The following NRG3 variants were observed in gnomAD, a reference collection of about 807,000 sequenced individuals.
NRG3 encodes the protein pro-neuregulin-3, membrane-bound isoform.
A neutral mutation model predicts 66.9 loss-of-function variants in NRG3; 31 were observed. The observed-to-expected ratio is 0.46, with a 90% CI of 0.35 to 0.63. NRG3 has a LOEUF of 0.63. Among genes scored for constraint, NRG3 ranks in the 20% least tolerant of loss-of-function variants. The pLI is 0.00. For synonymous variants in NRG3, 393 were observed against 359.4 expected, an observed-to-expected ratio of 1.09 and a Z score of -1.06; for missense variants, 910 against 878.9, an observed-to-expected ratio of 1.04 and a Z score of -0.45.
chr10:82,620,648 G>A (rs1048034391), intron 2 of NRG3, among the ~76,000 whole-genome samples: 1 of 152,050 alleles, frequency 6.6e-6, no homozygotes, highest in African/African-American at 2.4e-5. Flanking sequence ...ACATTCTATT[G>A]GTAAAAAGAC....
intron 3 of NRG3, among the ~76,000 whole-genome samples, chr10:82,855,746 TA>T (rs113256238): frequency 1.3e-4 from 19 of 146,858 alleles, no homozygotes; most frequent in African/African-American, 2.7e-4. Flanking sequence ...AAGATAGGAA[TA>T]AAAAAAAAAC....
At chr10:82,809,520 A>C (rs2061412982) in intron 3 of NRG3, among the ~76,000 whole-genome samples, 1 of 152,098 alleles carries the variant, frequency 6.6e-6, no homozygotes, top group Non-Finnish European at 1.5e-5. Context: ...CTAAGTTTGT[A>C]ACTATGTCCC....
intron 3 of NRG3, among the ~76,000 whole-genome samples, chr10:82,823,788 G>A (rs1417227988): frequency 6.6e-6 from 1 of 152,124 alleles, no homozygotes; most frequent in Non-Finnish European, 1.5e-5. Flanking sequence ...CTCCGTTGCA[G>A]CTGCATTACA....
intron 4 of NRG3, among the ~76,000 whole-genome samples, chr10:82,908,486 AAACCAAGCAACTGG>A (rs1443348100): frequency 1.4e-4 from 21 of 152,322 alleles, no homozygotes; most frequent in African/African-American, 4.8e-4. Flanking sequence ...TTAAATGGCA[AAACCAAGCAACTGG>A]TGATTTATGG....
intron 1 of NRG3, chr10:82,166,810 G>A (rs1041041524): frequency 1.6e-5 from 11 of 673,736 alleles, no homozygotes; most frequent in Non-Finnish European, 2.7e-5. Flanking sequence ...TGCTGCTGAC[G>A]AATTCATACA....
intron 2 of NRG3, among the ~76,000 whole-genome samples, chr10:82,499,098 C>T (rs1843899760): frequency 6.6e-6 from 1 of 152,094 alleles, no homozygotes; most frequent in South Asian, 2.1e-4. Flanking sequence ...ACAAAGATGC[C>T]TTGAGAAGAA....
intron 1 of NRG3, among the ~76,000 whole-genome samples, chr10:82,270,131 T>C (rs2134301570): frequency 6.6e-6 from 1 of 152,298 alleles, no homozygotes; most frequent in South Asian, 2.1e-4. Context: ...GCTTTCCTTG[T>C]CCTCACTCCC....
At chr10:82,560,661 C>G (rs1466642219) in intron 2 of NRG3, among the ~76,000 whole-genome samples, 2 of 150,880 alleles carry the variant, frequency 1.3e-5, no homozygotes, top group African/African-American at 4.8e-5. Context: ...TTTTATGTAA[C>G]TATAGTATTA....
At chr10:82,922,101 C>T (rs776763550) in intron 4 of NRG3, among the ~76,000 whole-genome samples, 21 of 151,900 alleles carry the variant, frequency 1.4e-4, no homozygotes, top group Admixed American at 2.6e-4. Flanking sequence ...CCCCACCACC[C>T]GCCACCTCTC....
At chr10:82,620,665 C>T (rs1281139061) in intron 2 of NRG3, among the ~76,000 whole-genome samples, 1 of 152,050 alleles carries the variant, frequency 6.6e-6, no homozygotes, top group Non-Finnish European at 1.5e-5. Flanking sequence ...AGACGTTATT[C>T]AAAAAGAAAG....
At chr10:82,792,344 A>G (rs1317007476) in intron 3 of NRG3, among the ~76,000 whole-genome samples, 1 of 152,144 alleles carries the variant, frequency 6.6e-6, no homozygotes, top group Non-Finnish European at 1.5e-5. Context: ...ATTTATGTGA[A>G]TTTATCTTTC....
intron 1 of NRG3, among the ~76,000 whole-genome samples, chr10:81,904,060 A>G (rs1285488913): frequency 1.3e-5 from 2 of 150,516 alleles, no homozygotes; most frequent in African/African-American, 2.4e-5. Flanking sequence ...CCCAGGCTGG[A>G]GTGCAATGAT....
At chr10:82,331,172 A>AC (rs1272882649) in intron 1 of NRG3, among the ~76,000 whole-genome samples, 1 of 151,928 alleles carries the variant, frequency 6.6e-6, no homozygotes, top group East Asian at 1.9e-4. Flanking sequence ...GTCACTCTCT[A>AC]CCCATGCTCT....
chr10:82,332,415 C>T (rs2082181331), intron 1 of NRG3, among the ~76,000 whole-genome samples: 1 of 152,112 alleles, frequency 6.6e-6, no homozygotes, highest in Non-Finnish European at 1.5e-5. Context: ...TTTCTCCCAG[C>T]TTGAATACAG....
intron 2 of NRG3, among the ~76,000 whole-genome samples, chr10:82,373,782 C>A (rs1047829273): frequency 2.0e-5 from 3 of 152,138 alleles, no homozygotes; most frequent in African/African-American, 7.2e-5. Context: ...GCCTTATTTT[C>A]TTTGACAAGG....
intron 2 of NRG3, among the ~76,000 whole-genome samples, chr10:82,738,376 C>T (rs2134741129): frequency 6.6e-6 from 1 of 152,264 alleles, no homozygotes; most frequent in African/African-American, 2.4e-5. Flanking sequence ...AGCAAAGCTA[C>T]ATTGTTGGCT....
At chr10:82,943,624 G>C (rs1386899854) in intron 4 of NRG3, among the ~76,000 whole-genome samples, 8 of 152,152 alleles carry the variant, frequency 5.3e-5, no homozygotes, top group African/African-American at 1.9e-4. Context: ...GTTCTCTTCA[G>C]GATCCCAGAA....
chr10:81,996,005 A>T (rs2060926531), intron 1 of NRG3, among the ~76,000 whole-genome samples: 3 of 151,930 alleles, frequency 2.0e-5, no homozygotes, highest in South Asian at 2.1e-4. Flanking sequence ...CAGCTCTGGA[A>T]TTTTTTTTTC....
At chr10:82,532,392 G>C (rs2132655734) in intron 2 of NRG3, among the ~76,000 whole-genome samples, 1 of 150,466 alleles carries the variant, frequency 6.6e-6, no homozygotes, top group Middle Eastern at 3.5e-3. Context: ...GTAATCCATT[G>C]TACTATATAT....
Sources: allele counts gnomAD v4.1 joint callset (sites outside exome capture counted in the v4.1 genomes callset), GRCh38; gene constraint gnomAD v4.1.1; transcripts MANE v1.5; gene names NCBI Gene and HGNC (gene_info 2026-07-23, HGNC 2026-07-21).